Variants in SLC12A3 observed in about 807,000 individuals in gnomAD.
SLC12A3 encodes Na-Cl cotransporter.
A neutral mutation model predicts 121.0 loss-of-function variants in SLC12A3; 104 were observed. That is an observed-to-expected ratio of 0.86 (90% CI 0.73 to 1.01). The LOEUF (loss-of-function observed/expected upper bound fraction) is 1.01. Ranked by LOEUF, SLC12A3 falls within the 50% of genes least tolerant of loss-of-function variation. SLC12A3 has a pLI of 0.00. For missense variants in SLC12A3, 1,328 were observed against 1,356.3 expected (o/e 0.98, Z 0.33); for synonymous variants, 536 against 533.4 (o/e 1.00, Z -0.07).
rs139395849 is a variant in SLC12A3, at chr16:56,884,152, C to A, written c.1773C>A (p.Ile591=). The A allele has an allele frequency of 7.4e-6, 12 of 1,614,208 alleles. No individual in the cohort carries two copies. Among genetic ancestry groups the A allele is most frequent in the Non-Finnish European group, 1.0e-5 (12 of 1,180,008 alleles). ...TCCTCACCTGGTGGGCGGCCCTCAT[C>A]GCCATTGGCGTGGTGCTCTTCCTCC... ...MFLLTWWAAL[I]AIGVVLFLLL... The change falls in exon 14 of 26, where the codon ATC becomes ATA. Residue 591 remains isoleucine, a synonymous_variant. Coordinates refer to ENST00000563236, the MANE Select transcript of SLC12A3 (RefSeq NM_001126108.2).
chr16:56,890,415 T>C, intron 19 of SLC12A3, 59 bp downstream of exon 19: 1 of 1,397,528 alleles, frequency 7.2e-7, no homozygotes, highest in Non-Finnish European at 1.0e-6. Flanking sequence ...TGTTTTTAAA[T>C]GGCAGAGGGA....
At chr16:56,889,557 A>G (rs1194798646) in intron 18 of SLC12A3, among the ~76,000 whole-genome samples, 1 of 152,018 alleles carries the variant, frequency 6.6e-6, no homozygotes, top group East Asian at 1.9e-4. Context: ...GCTCACCACA[A>G]CCTCTGCCTC....
In SLC12A3 at chr16:56,884,120, A is replaced by G; in HGVS notation, c.1741A>G (p.Met581Val). The G allele has an allele frequency of 6.2e-7, 1 of 1,614,162 alleles. No individual in the cohort carries two copies. Among genetic ancestry groups the G allele is most frequent in the Non-Finnish European group, 8.5e-7 (1 of 1,180,004 alleles). Residue 581 changes from methionine (M) to valine (V), a missense_variant, in exon 14 of 26, where the codon ATG (methionine) becomes GTG (valine). Coordinates refer to ENST00000563236, the MANE Select transcript of SLC12A3 (RefSeq NM_001126108.2). ...TGGGGCTATCATCTCCGTGGTCATCATGTTCCTCCTCACCTGGTGGGCGGC... is the reference window on the plus strand; with the variant it reads ...TGGGGCTATCATCTCCGTGGTCATCGTGTTCCTCCTCACCTGGTGGGCGGC... ...LFGAIISVVI[M>V]FLLTWWAALI...
At chr16:56,911,305 C>T (rs1250222940) in intron 25 of SLC12A3, among the ~76,000 whole-genome samples, 2 of 123,060 alleles carry the variant, frequency 1.6e-5, no homozygotes, top group Non-Finnish European at 3.5e-5. Flanking sequence ...ATTTTTGAGA[C>T]CTTTTGTTTG....
At chr16:56,871,514 C>T (rs575254021) in intron 6 of SLC12A3, among the ~76,000 whole-genome samples, 8 of 152,308 alleles carry the variant, frequency 5.3e-5, no homozygotes, top group South Asian at 2.1e-4. Flanking sequence ...GTCCTCTCCC[C>T]GCATTTTCTG....
chr16:56,899,611 T>C lies in SLC12A3; in HGVS notation c.2715T>C (p.Ala905=), dbSNP rs2055511348. 1 of 1,613,412 alleles carries C rather than the reference T, an allele frequency of 6.2e-7. No homozygotes were observed. Among genetic ancestry groups the C allele is most frequent in the Non-Finnish European group, 8.5e-7 (1 of 1,179,270 alleles). Residue 905 remains alanine, a synonymous_variant, in exon 23 of 26, where the codon GCT becomes GCC. Coordinates refer to ENST00000563236, the MANE Select transcript of SLC12A3 (RefSeq NM_001126108.2). Reference sequence around the variant, plus strand: ...CTGACATCAACCAGAACCCTCGGGCTGAGCAGTAAGTTCTGTTTTGGGGCT... The same window carrying C: ...CTGACATCAACCAGAACCCTCGGGCCGAGCAGTAAGTTCTGTTTTGGGGCT... ...ILPDINQNPR[A]EHTKRFEDMI... is the part of the protein sequence containing the mutation.
In SLC12A3 at chr16:56,879,240, G is replaced by A. The variant is rs767494090; in HGVS notation, c.1335+13G>A. 1.2e-6 allele frequency: 2 copies of A among 1,613,744 alleles called. No individual in the cohort carries two copies. Among genetic ancestry groups the A allele is most frequent in the Non-Finnish European group, 1.7e-6 (2 of 1,180,016 alleles). ...CAACTATTACCAGGTACTGCCAGGA[G>A]AGCTGACCCACCAGACACAGTGGGG... On this transcript the variant is annotated intron_variant, in intron 10 of 25. Transcript: ENST00000563236.
rs1227146873 is a variant in SLC12A3 at position 56,915,172 on chromosome 16, AG to A, written c.*1769del. On this transcript the variant is annotated 3_prime_UTR_variant, in exon 26 of 26. Transcript: ENST00000563236. ...CTCTAGACATAACCAAGAAGCGTAA[AG>A]GTGAGTTGTTTGGTGGTACGACTGC... The A allele has an allele frequency of 6.6e-6, 1 of 152,210 alleles. No individual in the cohort carries two copies. Among genetic ancestry groups the A allele is most frequent in the Admixed American group, 6.5e-5 (1 of 15,282 alleles). The allele number at this position is 152,210 out of a possible 1,614,324, so 9.4% of individuals were successfully genotyped here.
chr16:56,887,772 T>TTATATATA (rs1555500981), intron 17 of SLC12A3, among the ~76,000 whole-genome samples, 153 bp from the exon 18 acceptor site: 9 of 59,970 alleles, frequency 1.5e-4, no homozygotes, highest in East Asian at 1.2e-3. Flanking sequence ...ATTTTTAAGA[T>TTATATATA]TATATATATA....
rs116383747 is a variant in SLC12A3 at position 56,876,725 on chromosome 16, G to A, written c.1096-1352G>A. On this transcript the variant is annotated intron_variant, in intron 8 of 25. Transcript: ENST00000563236. ...CACACTTGACTTGCTCCTAATCTGC[G>A]GTGCCATCTGCTAACTGGATGGTGA... Among the ~76,000 whole-genome samples, 783 of 152,278 alleles carry A rather than the reference G, an allele frequency of 5.1e-3. 7 individuals are homozygous for A. Among genetic ancestry groups the A allele is most frequent in the African/African-American group, 0.012 (478 of 41,546 alleles).
In SLC12A3 at chr16:56,915,201, G is replaced by A. The variant is rs1452762406; in HGVS notation, c.*1796G>A. The stretch of plus-strand genomic sequence containing the variant: ...GAGTTGTTTGGTGGTACGACTGCCT[G>A]TGCCTTCTTCCGATGGCACTGGGGT... On this transcript the variant is annotated 3_prime_UTR_variant, in exon 26 of 26. Transcript: ENST00000563236. 6.6e-6 allele frequency: 1 copy of A among 152,252 alleles called. No individual in the cohort carries two copies. The highest frequency in any genetic ancestry group is 1.5e-5 in the Non-Finnish European group (1 of 68,064). The allele number at this position is 152,252 out of a possible 1,614,324, so 9.4% of individuals were successfully genotyped here. A position where few individuals can be genotyped will look rare whatever the true frequency, so the allele number is the denominator to read the frequency against.
At chr16:56,887,206 C>T (rs1416704683) in intron 17 of SLC12A3, 113 bp downstream of exon 17, 1 of 1,400,632 alleles carries the variant, frequency 7.1e-7, no homozygotes, top group African/African-American at 1.4e-5. Context: ...AGAAGGAGCC[C>T]CAACTTTTTT....
chr16:56,887,134 G>C (rs1041195999), intron 17 of SLC12A3, 41 bp downstream of exon 17: 2 of 1,613,020 alleles, frequency 1.2e-6, no homozygotes, highest in Admixed American at 3.3e-5. Context: ...CTTACGGCTT[G>C]GTGGCACAAC....
At chr16:56,902,531 G>GGGC in intron 24 of SLC12A3, 23 bp downstream of exon 24, 3 of 714,552 alleles carry the variant, frequency 4.2e-6, no homozygotes, top group Non-Finnish European at 7.2e-6. Context: ...GTGGGGGTGG[G>GGGC]AAACGCGACA....
At chr16:56,882,183 G>A (rs933078272) in intron 12 of SLC12A3, among the ~76,000 whole-genome samples, 38 of 152,248 alleles carry the variant, frequency 2.5e-4, no homozygotes, top group African/African-American at 7.7e-4. Flanking sequence ...AAAGCTGGGC[G>A]CTTACAGTTT....
chr16:56,880,078 G>A, intron 11 of SLC12A3, 52 bp from the exon 12 acceptor site: 1 of 1,595,128 alleles, frequency 6.3e-7, no homozygotes. Flanking sequence ...CCCCAGGGGA[G>A]GGGAAGTGGC....
chr16:56,879,371 G>GTC (rs2055206792), intron 10 of SLC12A3, 144 bp downstream of exon 10: 1 of 1,196,952 alleles, frequency 8.4e-7, no homozygotes, highest in African/African-American at 1.5e-5. Flanking sequence ...CAGAGCCCAG[G>GTC]TCTGTCCAGT....
chr16:56,884,103 T>C lies in SLC12A3; in HGVS notation c.1724T>C (p.Ile575Thr), dbSNP rs1169812154. Residue 575 changes from isoleucine (I) to threonine (T), a missense_variant, in exon 14 of 26, where the codon ATC becomes ACC. Transcript: ENST00000563236. ...AAGTGGGCGGCGCTGTTTGGGGCTA[T>C]CATCTCCGTGGTCATCATGTTCCTC... ...YNKWAALFGA[I>T]ISVVIMFLLT... The C allele has an allele frequency of 8.1e-6, 13 of 1,614,066 alleles. No homozygotes were observed. Among genetic ancestry groups the C allele is most frequent in the African/African-American group, 1.3e-5 (1 of 74,924 alleles).
rs34334334 is a variant in SLC12A3 at position 56,915,774 on chromosome 16, T to TA, written c.*2376dup. The TA allele has an allele frequency of 6.6e-6, 1 of 152,096 alleles. No individual in the cohort carries two copies. Among genetic ancestry groups the TA allele is most frequent in the African/African-American group, 2.4e-5 (1 of 41,400 alleles). The allele number at this position is 152,096 out of a possible 1,614,324, so 9.4% of individuals were successfully genotyped here. On this transcript the variant is annotated 3_prime_UTR_variant, in exon 26 of 26. Coordinates refer to ENST00000563236, the MANE Select transcript of SLC12A3 (RefSeq NM_001126108.2). Reference sequence around the variant, plus strand: ...GTTTTTAACAATAGTAATAGCTTTGTAAAAAAATAAAAAGCTTTAACAGCG... The same window carrying TA: ...GTTTTTAACAATAGTAATAGCTTTGTAAAAAAAATAAAAAGCTTTAACAGCG...
Sources: gnomAD v4.1 joint callset for allele counts (sites outside exome capture counted in the v4.1 genomes callset) on GRCh38, gnomAD v4.1.1 for gene constraint, MANE v1.5 for transcripts, NCBI Gene and HGNC (gene_info 2026-07-23, HGNC 2026-07-21) for gene names.